The following PPP2R5A variants were observed in gnomAD, a reference collection of about 807,000 sequenced individuals.
PPP2R5A encodes protein phosphatase 2 regulatory subunit B'alpha, also known as serine/threonine-protein phosphatase 2A 56 kDa regulatory subunit alpha isoform.
Under a neutral mutation model 64.2 loss-of-function variants are expected in PPP2R5A, and 25 were observed. The ratio of observed to expected loss-of-function variants is 0.39; its 90% confidence interval spans 0.28 to 0.54. The LOEUF is 0.54. PPP2R5A is among the 20% of genes least tolerant of loss of function. PPP2R5A has a pLI of 0.67. For synonymous variants in PPP2R5A, 198 were observed against 201.2 expected, an observed-to-expected ratio of 0.98 and a Z score of 0.13; for missense variants, 425 against 576.3, an observed-to-expected ratio of 0.74 and a Z score of 2.69.
At chr1:212,326,072 A>T (rs761666823) in intron 1 of PPP2R5A, among the ~76,000 whole-genome samples, 2 of 152,196 alleles carry the variant, frequency 1.3e-5, no homozygotes, top group Non-Finnish European at 2.9e-5. Context: ...AGAATGACTA[A>T]TGGCCATTTT....
At position 212,358,978 on chromosome 1, in the gene PPP2R5A, T is replaced by C. The variant is rs558605335; in HGVS notation, c.1328+191T>C. On this transcript the variant is annotated intron_variant, in intron 12 of 12. Coordinates refer to ENST00000261461, the MANE Select transcript of PPP2R5A (RefSeq NM_006243.4). ...CCAGATAAACTAGCCCCAGTATTTT[T>C]ATAAATTTGTTAAAGCAGAAAAAGC... Among the ~76,000 whole-genome samples, 6 of 152,320 alleles carry C rather than the reference T, an allele frequency of 3.9e-5. No individual in the cohort carries two copies. The East Asian group carries it at 1.2e-3, about 29-fold the overall frequency.
intron 3 of PPP2R5A, 101 bp from the exon 4 acceptor site, chr1:212,342,087 C>A: frequency 7.0e-7 from 1 of 1,437,194 alleles, no homozygotes; most frequent in East Asian, 2.4e-5. Flanking sequence ...GAAATCTCCC[C>A]ACTAAGTTGG....
intron 1 of PPP2R5A, among the ~76,000 whole-genome samples, chr1:212,294,947 C>T (rs1658665248): frequency 6.6e-6 from 1 of 151,900 alleles, no homozygotes; most frequent in Admixed American, 6.5e-5. Flanking sequence ...TATGGAGACC[C>T]AAAGGTAATT....
intron 4 of PPP2R5A, among the ~76,000 whole-genome samples, chr1:212,342,647 G>T (rs1048591973): frequency 2.6e-5 from 4 of 152,122 alleles, no homozygotes; most frequent in African/African-American, 9.7e-5. Flanking sequence ...TATATTTTAA[G>T]CATTGGGACT....
chr1:212,325,849 C>T (rs1052947640), intron 1 of PPP2R5A, among the ~76,000 whole-genome samples: 5 of 152,108 alleles, frequency 3.3e-5, no homozygotes, highest in Non-Finnish European at 1.5e-5. Flanking sequence ...CATACATAAG[C>T]AGAGGTGTCC....
intron 1 of PPP2R5A, among the ~76,000 whole-genome samples, chr1:212,289,434 AAAG>A (rs1239305474): frequency 2.0e-5 from 3 of 152,194 alleles, no homozygotes; most frequent in Non-Finnish European, 2.9e-5. Flanking sequence ...TGAGGCCTAA[AAAG>A]AATAGTTTCT....
intron 1 of PPP2R5A, among the ~76,000 whole-genome samples, chr1:212,320,828 C>T (rs1659266717): frequency 7.1e-6 from 1 of 140,794 alleles, no homozygotes; most frequent in African/African-American, 2.6e-5. Context: ...CCCCCACCTC[C>T]CTCCTGGACG....
At chr1:212,329,677 T>C (rs1571597616) in intron 2 of PPP2R5A, among the ~76,000 whole-genome samples, 1 of 152,274 alleles carries the variant, frequency 6.6e-6, no homozygotes, top group East Asian at 1.9e-4. Flanking sequence ...GACGGAGTCT[T>C]GCTGTGTAGC....
intron 11 of PPP2R5A, 57 bp from the exon 12 acceptor site, chr1:212,358,629 T>TA: frequency 7.8e-7 from 1 of 1,282,968 alleles, no homozygotes; most frequent in East Asian, 2.4e-5. Flanking sequence ...ACCATAGTGT[T>TA]ACATTTCCTC....
At chr1:212,328,243 T>G (rs1352447787) in intron 1 of PPP2R5A, among the ~76,000 whole-genome samples, 1 of 152,208 alleles carries the variant, frequency 6.6e-6, no homozygotes, top group East Asian at 1.9e-4. Flanking sequence ...CCAACCAATT[T>G]AGCTTCAGTA....
At chr1:212,314,376 T>A (rs1287437535) in intron 1 of PPP2R5A, among the ~76,000 whole-genome samples, 1 of 152,062 alleles carries the variant, frequency 6.6e-6, no homozygotes, top group East Asian at 1.9e-4. Flanking sequence ...AAGGTAGTTT[T>A]TTTTTGTTGT....
chr1:212,352,709 C>G (rs920131963), intron 8 of PPP2R5A: 5 of 480,192 alleles, frequency 1.0e-5, no homozygotes, highest in African/African-American at 1.0e-4. Flanking sequence ...CTTGGCCTCC[C>G]AAAGTGCTGG....
chr1:212,317,958 T>A (rs1473244720), intron 1 of PPP2R5A, among the ~76,000 whole-genome samples: 2 of 151,100 alleles, frequency 1.3e-5, no homozygotes, highest in Non-Finnish European at 3.0e-5. Flanking sequence ...AAAAAAAAAA[T>A]TAAAAAAAAA....
chr1:212,314,825 G>C (rs1659115664), intron 1 of PPP2R5A, among the ~76,000 whole-genome samples: 1 of 152,040 alleles, frequency 6.6e-6, no homozygotes, highest in African/African-American at 2.4e-5. Context: ...GCCTCCCGAA[G>C]TGTTGGGATT....
At chr1:212,306,003 C>G (rs184189710) in intron 1 of PPP2R5A, among the ~76,000 whole-genome samples, 38 of 152,344 alleles carry the variant, frequency 2.5e-4, no homozygotes, top group African/African-American at 8.7e-4. Flanking sequence ...TACTTCTGCA[C>G]AGAGGGTGCC....
intron 1 of PPP2R5A, chr1:212,297,579 A>T (rs1658721650): frequency 6.6e-6 from 1 of 152,226 alleles, no homozygotes; most frequent in Admixed American, 6.5e-5. Context: ...ACTGTAGTAT[A>T]GTCTTAGGCT....
At chr1:212,293,222 A>T (rs944806591) in intron 1 of PPP2R5A, among the ~76,000 whole-genome samples, 2 of 152,234 alleles carry the variant, frequency 1.3e-5, no homozygotes, top group African/African-American at 4.8e-5. Flanking sequence ...AGTATGAGTG[A>T]CATGTAACAT....
chr1:212,295,402 G>T (rs544387644), intron 1 of PPP2R5A, among the ~76,000 whole-genome samples: 1 of 152,210 alleles, frequency 6.6e-6, no homozygotes, highest in Admixed American at 6.5e-5. Flanking sequence ...TGGACAGGTC[G>T]AAGTGTCCAT....
intron 1 of PPP2R5A, among the ~76,000 whole-genome samples, chr1:212,291,213 C>T (rs955042849): frequency 6.6e-6 from 1 of 151,924 alleles, no homozygotes; most frequent in Non-Finnish European, 1.5e-5. Flanking sequence ...CAGGTTCAAG[C>T]GATTCTCTTG....
Sources: allele counts gnomAD v4.1 joint callset (sites outside exome capture counted in the v4.1 genomes callset), GRCh38; gene constraint gnomAD v4.1.1; transcripts MANE v1.5; gene names NCBI Gene and HGNC (gene_info 2026-07-23, HGNC 2026-07-21).